SHLD2: variants seen among roughly 807,000 people sequenced by gnomAD.
SHLD2 encodes shieldin complex subunit 2.
In SHLD2, 30 loss-of-function variants were observed where a neutral mutation model predicts 73.2. The ratio of observed to expected loss-of-function variants is 0.41; its 90% CI spans 0.31 to 0.56. The LOEUF is 0.56. SHLD2 is among the 20% of genes least tolerant of loss of function. The pLI is 0.28. For missense variants in SHLD2, 745 were observed against 1,055.9 expected (o/e 0.71, Z 4.08); for synonymous variants, 285 against 370.1 (o/e 0.77, Z 2.64).
intron 9 of SHLD2, among the ~76,000 whole-genome samples, chr10:87,187,791 A>G (rs905511293): frequency 1.3e-5 from 2 of 152,176 alleles, no homozygotes; most frequent in African/African-American, 2.4e-5. Flanking sequence ...GTAGAACAGT[A>G]CAAACTGAGG....
chr10:87,104,279 G>A (rs909303615), intron 2 of SHLD2, among the ~76,000 whole-genome samples: 18 of 149,854 alleles, frequency 1.2e-4, no homozygotes, highest in Non-Finnish European at 2.1e-4. Flanking sequence ...TGGGCTCAGT[G>A]GCTCACACCT....
intron 7 of SHLD2, among the ~76,000 whole-genome samples, chr10:87,179,466 A>G (rs1355965867): frequency 1.3e-5 from 2 of 149,992 alleles, no homozygotes; most frequent in Non-Finnish European, 3.0e-5. Flanking sequence ...CAGTGGTGCG[A>G]TCTCGGCTCA....
At chr10:87,175,686 A>T (rs868591110) in intron 6 of SHLD2, among the ~76,000 whole-genome samples, 13 of 152,196 alleles carry the variant, frequency 8.5e-5, no homozygotes, top group South Asian at 8.3e-4. Flanking sequence ...TCTGTCTTGG[A>T]AAATAATAAT....
intron 2 of SHLD2, among the ~76,000 whole-genome samples, chr10:87,113,707 C>T (rs183653578): frequency 1.2e-4 from 19 of 152,068 alleles, no homozygotes; most frequent in African/African-American, 4.3e-4. Context: ...TATGCTATGT[C>T]AATTAAAAAA....
At chr10:87,129,761 C>T (rs903209954) in intron 2 of SHLD2, among the ~76,000 whole-genome samples, 5 of 151,822 alleles carry the variant, frequency 3.3e-5, no homozygotes, top group Admixed American at 3.3e-4. Context: ...GCTGGTACTA[C>T]AGGCCTGCAC....
intron 2 of SHLD2, among the ~76,000 whole-genome samples, chr10:87,105,937 T>A (rs1842566465): frequency 6.6e-6 from 1 of 152,224 alleles, no homozygotes; most frequent in African/African-American, 2.4e-5. Flanking sequence ...CTGGCACTTT[T>A]TGGCCTCTGA....
At chr10:87,155,249 A>G (rs921962919) in intron 3 of SHLD2, among the ~76,000 whole-genome samples, 8 of 151,876 alleles carry the variant, frequency 5.3e-5, no homozygotes, top group African/African-American at 1.9e-4. Context: ...ACAATCTTTT[A>G]TAAAGAGGTA....
intron 3 of SHLD2, among the ~76,000 whole-genome samples, chr10:87,157,311 C>T (rs1220764767): frequency 2.0e-5 from 3 of 152,178 alleles, no homozygotes; most frequent in African/African-American, 7.2e-5. Flanking sequence ...CCTATTATCT[C>T]TACATTATTT....
At chr10:87,149,339 T>C (rs1222318056) in intron 2 of SHLD2, among the ~76,000 whole-genome samples, 2 of 152,024 alleles carry the variant, frequency 1.3e-5, no homozygotes, top group African/African-American at 4.8e-5. Context: ...ATACCAGTTA[T>C]TCCTTATGAA....
intron 2 of SHLD2, among the ~76,000 whole-genome samples, chr10:87,101,910 A>G (rs901778323): frequency 1.3e-5 from 2 of 152,156 alleles, no homozygotes; most frequent in Non-Finnish European, 2.9e-5. Context: ...CGGTTTTTGT[A>G]TGCTTCAACC....
intron 4 of SHLD2, among the ~76,000 whole-genome samples, chr10:87,169,895 C>A (rs4934311): frequency 0.87 from 131,765 of 152,112 alleles, 57,941 homozygotes; most frequent in African/African-American, 0.96. Context: ...GCTCAGGGAA[C>A]AAAGCAGCAC....
upstream of SHLD2, chr10:87,094,782 AG>A: frequency 1.3e-6 from 2 of 1,529,454 alleles, no homozygotes; most frequent in Non-Finnish European, 1.8e-6. This position sits in a 1 kb window ranked among gnomAD's most constrained non-coding sequence, Gnocchi z 6.6. Flanking sequence ...CCACAAGCGG[AG>A]GGGAGGTGCG....
At chr10:87,145,027 G>A (rs1383967776) in intron 2 of SHLD2, among the ~76,000 whole-genome samples, 3 of 136,880 alleles carry the variant, frequency 2.2e-5, no homozygotes, top group Non-Finnish European at 4.6e-5. Flanking sequence ...TGCAAGCTCC[G>A]CCTCCCGGGT....
intron 2 of SHLD2, among the ~76,000 whole-genome samples, chr10:87,107,487 A>G (rs1188480802): frequency 6.6e-6 from 1 of 152,230 alleles, no homozygotes; most frequent in African/African-American, 2.4e-5. Context: ...TACTTTATAT[A>G]GGGTGTTCAG....
At chr10:87,103,358 C>T (rs1842392773) in intron 2 of SHLD2, among the ~76,000 whole-genome samples, 1 of 152,018 alleles carries the variant, frequency 6.6e-6, no homozygotes, top group African/African-American at 2.4e-5. Flanking sequence ...ACTATGGAAA[C>T]AGCATAGGCA....
intron 2 of SHLD2, among the ~76,000 whole-genome samples, chr10:87,102,142 T>C (rs1842307277): frequency 1.3e-5 from 2 of 152,300 alleles, no homozygotes; most frequent in South Asian, 4.1e-4. Context: ...ACCAATCTCT[T>C]ATTGATGGAC....
intron 9 of SHLD2, among the ~76,000 whole-genome samples, chr10:87,189,290 C>T (rs543717126): frequency 3.3e-5 from 5 of 152,352 alleles, no homozygotes; most frequent in African/African-American, 4.8e-5. Flanking sequence ...CGTGAGCCAC[C>T]GTGTCCGGCC....
In SHLD2 at chr10:87,146,324, C is replaced by T. The variant is rs137864910; in HGVS notation, c.-5-5026C>T. On this transcript the variant is annotated intron_variant, in intron 2 of 9. Coordinates refer to ENST00000298786, the MANE Select transcript of SHLD2 (RefSeq NM_001330112.2). ...GAGATTTTTTTTCGAGACAGAGTCTCGCTCTGTTGTCCAGGCTGGAGTGCA... is the reference window on the plus strand; with the variant it reads ...GAGATTTTTTTTCGAGACAGAGTCTTGCTCTGTTGTCCAGGCTGGAGTGCA... Among the ~76,000 whole-genome samples the T allele has an allele frequency of 7.7e-3, 1,174 of 152,128 alleles. 17 individuals carry two copies. The highest frequency in any genetic ancestry group is 0.027 in the African/African-American group (1,128 of 41,512).
intron 4 of SHLD2, among the ~76,000 whole-genome samples, chr10:87,170,150 G>A (rs1460059249): frequency 6.6e-6 from 1 of 152,172 alleles, no homozygotes; most frequent in Non-Finnish European, 1.5e-5. Context: ...GGCTGTTACA[G>A]GGTGGTGGAG....
Sources: gnomAD v4.1 joint callset for allele counts (sites outside exome capture counted in the v4.1 genomes callset) on GRCh38, gnomAD v4.1.1 for gene constraint, Gnocchi (gnomAD v3.1) non-coding constraint, MANE v1.5 for transcripts, NCBI Gene and HGNC (gene_info 2026-07-23, HGNC 2026-07-21) for gene names.